The following SYT5 variants were observed in gnomAD, a reference collection of about 807,000 sequenced individuals.
SYT5 encodes synaptotagmin-5.
Under a neutral mutation model 36.0 loss-of-function variants are expected in SYT5, and 29 were observed. That is an observed-to-expected ratio of 0.81 (90% confidence interval 0.60 to 1.10). The LOEUF (loss-of-function observed/expected upper bound fraction) is 1.10, where lower values mean the gene tolerates loss of function less well. Ranked by LOEUF, SYT5 falls within the 50% of genes least tolerant of loss-of-function variation. SYT5 has a pLI of 0.00. For synonymous variants in SYT5, 231 were observed against 227.6 expected, an observed-to-expected ratio of 1.02 and a Z score of -0.14; for missense variants, 512 against 516.0, an observed-to-expected ratio of 0.99 and a Z score of 0.08.
Position 55,180,212 on chromosome 19 carries a change from G to T in SYT5, c.-141C>A, listed in dbSNP as rs60345290. The T allele has an allele frequency of 0.017, 2,593 of 152,432 alleles. 78 individuals carry two copies. Among genetic ancestry groups the T allele is most frequent in the African/African-American group, 0.058 (2,421 of 41,548 alleles). 9.4% of individuals were successfully genotyped at this position (152,432 alleles called of 1,614,324 possible). A position where few individuals can be genotyped will look rare whatever the true frequency, so the allele number is the denominator to read the frequency against. On this transcript the variant is annotated 5_prime_UTR_variant, in exon 1 of 9. Coordinates refer to ENST00000354308, the MANE Select transcript of SYT5 (RefSeq NM_003180.3). Reference sequence around the variant, plus strand: ...GCACGTGGGCGGTGGCGCTGTCCCGGGTGCTGATCGCGGAGCTCTCCGGGG... The same window carrying T: ...GCACGTGGGCGGTGGCGCTGTCCCGTGTGCTGATCGCGGAGCTCTCCGGGG...
In SYT5 at chr19:55,175,847, T is replaced by C. The variant is rs1757613011; in HGVS notation, c.402A>G (p.Gly134=). The C allele has an allele frequency of 6.2e-7, 1 of 1,613,916 alleles. No individual in the cohort carries two copies. The highest frequency in any genetic ancestry group is 1.3e-5 in the African/African-American group (1 of 74,870). ...QLLVGILQAM[G]LAALDLGGSS... is the part of the protein sequence containing the mutation. ...AGCCACCAAGATCCAAGGCTGCCAA[T>C]CCCATTGCTTGCAGAATGCCCACCA... Residue 134 remains glycine, a synonymous_variant, in exon 5 of 9, where the codon GGA becomes GGG. Transcript: ENST00000354308. This position sits in a 1 kb window ranked among gnomAD's most constrained non-coding sequence, Gnocchi z 4.5.
chr19:55,175,962 C>A lies in SYT5; in HGVS notation c.372+43G>T. ...GCTCCTTTCAGAAGGGGTTGGAACCCCCGGGATCCTCCCTCCAAAGCTTCC... is the reference window on the plus strand; with the variant it reads ...GCTCCTTTCAGAAGGGGTTGGAACCACCGGGATCCTCCCTCCAAAGCTTCC... On this transcript the variant is annotated intron_variant, in intron 4 of 8. Transcript: ENST00000354308. This position sits in a 1 kb window ranked among gnomAD's most constrained non-coding sequence, Gnocchi z 4.5. The A allele has an allele frequency of 1.9e-6, 3 of 1,613,716 alleles. No individual in the cohort carries two copies. The highest frequency in any genetic ancestry group is 1.7e-6 in the Non-Finnish European group (2 of 1,179,876).
In SYT5 at chr19:55,173,206, G is replaced by T. The variant is rs952978423; in HGVS notation, c.*278C>A. Reference sequence around the variant, plus strand: ...GGCTGATTGTCAAAGCAGGGGGCAGGACCCGGGGGCAGGAGAAACCAGGCT... The same window carrying T: ...GGCTGATTGTCAAAGCAGGGGGCAGTACCCGGGGGCAGGAGAAACCAGGCT... On this transcript the variant is annotated 3_prime_UTR_variant, in exon 9 of 9. Coordinates refer to ENST00000354308, the MANE Select transcript of SYT5 (RefSeq NM_003180.3). The surrounding 1 kb of genome is among the most constrained non-coding windows in gnomAD (Gnocchi z 5.4). 4 of 381,422 alleles carry T rather than the reference G, an allele frequency of 1.0e-5. No individual in the cohort carries two copies. The allele number at this position is 381,422 out of a possible 1,614,324, so 23.6% of individuals were successfully genotyped here.
Position 55,178,265 on chromosome 19 carries a change from C to A in SYT5, c.183G>T (p.Lys61Asn). 6.2e-7 allele frequency: 1 copy of A among 1,610,440 alleles called. No individual in the cohort carries two copies. The highest frequency in any genetic ancestry group is 1.1e-5 in the South Asian group (1 of 90,230). The change falls in exon 3 of 9, where the codon AAG becomes AAT. Residue 61 changes from lysine to asparagine, a missense_variant. Transcript: ENST00000354308. ...GGACCTGGGCTTGGGCCTGGCTCTT[C>A]TTGCCTGTCCGCCTCCGACAGCTCT... ...YRKSCRRRTG[K>N]KSQAQAQVHL...
intron 3 of SYT5, among the ~76,000 whole-genome samples, chr19:55,176,926 CA>C (rs2086082906): frequency 6.6e-6 from 1 of 152,222 alleles, no homozygotes; most frequent in Admixed American, 6.5e-5. Flanking sequence ...CAAGGTCACA[CA>C]ACCAGGAAAT....
At position 55,173,117 on chromosome 19, in the gene SYT5, A is replaced by C; in HGVS notation, c.*367T>G. The C allele has an allele frequency of 4.9e-6, 1 of 205,670 alleles. No individual in the cohort carries two copies. The highest frequency in any genetic ancestry group is 1.1e-4 in the East Asian group (1 of 9,392). The allele number at this position is 205,670 out of a possible 1,614,324, so 12.7% of individuals were successfully genotyped here. A position where few individuals can be genotyped will look rare whatever the true frequency, so the allele number is the denominator to read the frequency against. ...AGGCCACCGGAGCTGCTGAATATTTATTTGGCCCCAGGAGCAGTGCAGGGA... is the reference window on the plus strand; with the variant it reads ...AGGCCACCGGAGCTGCTGAATATTTCTTTGGCCCCAGGAGCAGTGCAGGGA... On this transcript the variant is annotated 3_prime_UTR_variant, in exon 9 of 9. Coordinates refer to ENST00000354308, the MANE Select transcript of SYT5 (RefSeq NM_003180.3). The surrounding 1 kb of genome is among the most constrained non-coding windows in gnomAD (Gnocchi z 5.4).
chr19:55,173,515 G>A lies in SYT5; in HGVS notation c.1130C>T (p.Pro377Leu), dbSNP rs2086028094. The A allele has an allele frequency of 1.4e-6, 2 of 1,401,276 alleles. No individual in the cohort carries two copies. The highest frequency in any genetic ancestry group is 3.2e-5 in the South Asian group (2 of 62,440). 86.8% of individuals were successfully genotyped at this position (1,401,276 alleles called of 1,614,324 possible). The change falls in exon 9 of 9, where the codon CCG (proline) becomes CTG (leucine). Residue 377 changes from proline (P) to leucine (L), a missense_variant. Pro to Leu is a moderately conservative substitution (Grantham distance 98). Transcript: ENST00000354308. The surrounding 1 kb of genome is among the most constrained non-coding windows in gnomAD (Gnocchi z 5.4). ...CGCAGGCAGCAGCCTCACTCGGTCC[G>A]GGGGCCGCAGCGAGTGCCACTGGGC... is the stretch of plus-strand genomic sequence containing the variant. ...PIAQWHSLRPPDRVRLLPAP is the reference protein window; with the variant it reads ...PIAQWHSLRPLDRVRLLPAP
chr19:55,172,338 G>C lies in SYT5; in HGVS notation c.*1146C>G, dbSNP rs1157210970. 4 of 149,536 alleles carry C rather than the reference G, an allele frequency of 2.7e-5. No homozygotes were observed. Among genetic ancestry groups the C allele is most frequent in the Admixed American group, 6.6e-5 (1 of 15,052 alleles). 9.3% of individuals were successfully genotyped at this position (149,536 alleles called of 1,614,324 possible). On this transcript the variant is annotated 3_prime_UTR_variant, in exon 9 of 9. Coordinates refer to ENST00000354308, the MANE Select transcript of SYT5 (RefSeq NM_003180.3). Reference sequence around the variant, plus strand: ...CGGGAGGCTGAGGCAGGAGAATGGCGTGAACCCGGGAGGAGGAGCTTGCAG... The same window carrying C: ...CGGGAGGCTGAGGCAGGAGAATGGCCTGAACCCGGGAGGAGGAGCTTGCAG...
Position 55,172,352 on chromosome 19 carries a change from A to AT in SYT5, c.*1131_*1132insA, listed in dbSNP as rs2086013872. The AT allele has an allele frequency of 6.6e-6, 1 of 151,670 alleles. No homozygotes were observed. Among genetic ancestry groups the AT allele is most frequent in the South Asian group, 2.1e-4 (1 of 4,800 alleles). The allele number at this position is 151,670 out of a possible 1,614,324, so 9.4% of individuals were successfully genotyped here. ...AGGAGAATGGCGTGAACCCGGGAGG[A>AT]GGAGCTTGCAGTGAGCCGAAATCGT... On this transcript the variant is annotated 3_prime_UTR_variant, in exon 9 of 9. Coordinates refer to ENST00000354308, the MANE Select transcript of SYT5 (RefSeq NM_003180.3).
Position 55,179,720 on chromosome 19 carries a change from C to A in SYT5, c.-46+397G>T, listed in dbSNP as rs1286431022. Reference sequence around the variant, plus strand: ...GCTGGAGGGCGGGTCGGGGGCTGCCCGGTGCCTGTGCTGAGCCCCCTCATC... The same window carrying A: ...GCTGGAGGGCGGGTCGGGGGCTGCCAGGTGCCTGTGCTGAGCCCCCTCATC... On this transcript the variant is annotated intron_variant, in intron 1 of 8. Transcript: ENST00000354308. This position sits in a 1 kb window ranked among gnomAD's most constrained non-coding sequence, Gnocchi z 4.5. 1 of 154,322 alleles carries A rather than the reference C, an allele frequency of 6.5e-6. No individual in the cohort carries two copies. Among genetic ancestry groups the A allele is most frequent in the East Asian group, 1.9e-4 (1 of 5,240 alleles). 9.6% of individuals were successfully genotyped at this position (154,322 alleles called of 1,614,324 possible). A position where few individuals can be genotyped will look rare whatever the true frequency, so the allele number is the denominator to read the frequency against.
chr19:55,174,822 C>A, intron 7 of SYT5, 60 bp downstream of exon 7: 1 of 1,587,530 alleles, frequency 6.3e-7, no homozygotes, highest in East Asian at 2.2e-5. Flanking sequence ...CAGAAACTGT[C>A]AGAACGAGAA....
rs2147334405 is a variant in SYT5, at chr19:55,178,058, G to A, written c.252+138C>T. On this transcript the variant is annotated intron_variant, in intron 3 of 8. Coordinates refer to ENST00000354308, the MANE Select transcript of SYT5 (RefSeq NM_003180.3). Reference sequence around the variant, plus strand: ...TCTGGGTCCCCAGAGTCCAGTTGAGGGCTAGACACACAGGGAGGATGAGCC... The same window carrying A: ...TCTGGGTCCCCAGAGTCCAGTTGAGAGCTAGACACACAGGGAGGATGAGCC... The A allele has an allele frequency of 3.0e-6, 3 of 992,594 alleles. No individual in the cohort carries two copies. In the East Asian group the frequency reaches 7.9e-5, roughly 26 times the overall value. The allele number at this position is 992,594 out of a possible 1,614,324, so 61.5% of individuals were successfully genotyped here. A position where few individuals can be genotyped will look rare whatever the true frequency, so the allele number is the denominator to read the frequency against.
chr19:55,178,942 C>A, intron 2 of SYT5, 21 bp downstream of exon 2: 2 of 1,481,318 alleles, frequency 1.4e-6, no homozygotes, highest in African/African-American at 2.8e-5. Context: ...GCTCGGCCCC[C>A]CACCCCCGGG....
chr19:55,175,022 C>T lies in SYT5; in HGVS notation c.709-23G>A, dbSNP rs1235815937. 6.2e-7 allele frequency: 1 copy of T among 1,608,594 alleles called. No individual in the cohort carries two copies. Among genetic ancestry groups the T allele is most frequent in the Non-Finnish European group, 8.5e-7 (1 of 1,178,196 alleles). ...CTGCTGAAAGGAGAGGGGCCCATCA[C>T]CAGAGCCCCGGCTCCACATCCATGC... is the stretch of plus-strand genomic sequence containing the variant. On this transcript the variant is annotated intron_variant, in intron 6 of 8. Coordinates refer to ENST00000354308, the MANE Select transcript of SYT5 (RefSeq NM_003180.3). This position sits in a 1 kb window ranked among gnomAD's most constrained non-coding sequence, Gnocchi z 4.5.
rs2086058079 is a variant in SYT5, at chr19:55,175,107, C to T, written c.708+65G>A. On this transcript the variant is annotated intron_variant, in intron 6 of 8. Transcript: ENST00000354308. This position sits in a 1 kb window ranked among gnomAD's most constrained non-coding sequence, Gnocchi z 4.5. The stretch of plus-strand genomic sequence containing the variant: ...TCTGGAAAGCCTATGATCTGATTGG[C>T]TCAGGATGTTGTGGGCGGGACTGGG... The T allele has an allele frequency of 1.9e-6, 3 of 1,583,256 alleles. No individual in the cohort carries two copies. The highest frequency in any genetic ancestry group is 2.3e-5 in the South Asian group (2 of 87,944).
chr19:55,173,997 A>G lies in SYT5; in HGVS notation c.961-313T>C, dbSNP rs2086036934. ...AAGAGCCGCAAAGCTGCAGAACTTTAACAGGGGCCGGGCTAGGGTAGGCGC... is the reference window on the plus strand; with the variant it reads ...AAGAGCCGCAAAGCTGCAGAACTTTGACAGGGGCCGGGCTAGGGTAGGCGC... On this transcript the variant is annotated intron_variant, in intron 8 of 8. Transcript: ENST00000354308. The surrounding 1 kb of genome is among the most constrained non-coding windows in gnomAD (Gnocchi z 5.4). The G allele has an allele frequency of 2.4e-5, 8 of 336,554 alleles. No homozygotes were observed. Among genetic ancestry groups the G allele is most frequent in the Non-Finnish European group, 1.1e-5 (2 of 187,086 alleles). The allele number at this position is 336,554 out of a possible 1,614,324, so 20.8% of individuals were successfully genotyped here. A position where few individuals can be genotyped will look rare whatever the true frequency, so the allele number is the denominator to read the frequency against.
In SYT5 at chr19:55,179,176, C is replaced by T. The variant is rs2147337498; in HGVS notation, c.-45-90G>A. On this transcript the variant is annotated intron_variant, in intron 1 of 8. Coordinates refer to ENST00000354308, the MANE Select transcript of SYT5 (RefSeq NM_003180.3). The surrounding 1 kb of genome is among the most constrained non-coding windows in gnomAD (Gnocchi z 4.5). ...CATGAGGCCTTTGCGCGAACAGCCGCGCAGAAACCGGACAGCCACCGCGAG... is the reference window on the plus strand; with the variant it reads ...CATGAGGCCTTTGCGCGAACAGCCGTGCAGAAACCGGACAGCCACCGCGAG... 2 of 1,534,552 alleles carry T rather than the reference C, an allele frequency of 1.3e-6. No homozygotes were observed. Among genetic ancestry groups the T allele is most frequent in the South Asian group, 1.2e-5 (1 of 83,546 alleles).
intron 2 of SYT5, among the ~76,000 whole-genome samples, chr19:55,178,671 T>G (rs1481834909): frequency 6.6e-6 from 1 of 151,830 alleles, no homozygotes; most frequent in Admixed American, 6.6e-5. Flanking sequence ...TCGGGCCTGT[T>G]TCCTTATCTG....
chr19:55,178,828 G>T, intron 2 of SYT5, 135 bp downstream of exon 2: 1 of 724,044 alleles, frequency 1.4e-6, no homozygotes, highest in Non-Finnish European at 1.7e-6. Flanking sequence ...TCGCATTCCA[G>T]TCCAGGATGA....
Sources: gnomAD v4.1 joint callset for allele counts (sites outside exome capture counted in the v4.1 genomes callset) on GRCh38, gnomAD v4.1.1 for gene constraint, Gnocchi (gnomAD v3.1) non-coding constraint, MANE v1.5 for transcripts, NCBI Gene and HGNC (gene_info 2026-07-23, HGNC 2026-07-21) for gene names.